The following CRISPLD2 variants were observed in gnomAD, a reference collection of about 807,000 sequenced individuals.
CRISPLD2 encodes the protein cysteine rich secretory protein LCCL domain containing 2.
In CRISPLD2, 47 loss-of-function variants were observed where a neutral mutation model predicts 71.1. That is an observed-to-expected ratio of 0.66 (90% CI 0.52 to 0.84). CRISPLD2 has a LOEUF of 0.84. CRISPLD2 is among the 40% of genes least tolerant of loss of function. CRISPLD2 has a pLI of 0.00. For synonymous variants in CRISPLD2, 317 were observed against 250.1 expected, an observed-to-expected ratio of 1.27 and a Z score of -2.52; for missense variants, 830 against 651.1, an observed-to-expected ratio of 1.27 and a Z score of -2.99.
intron 14 of CRISPLD2, among the ~76,000 whole-genome samples, chr16:84,891,090 C>T (rs897301644): frequency 6.6e-6 from 1 of 152,190 alleles, no homozygotes; most frequent in Non-Finnish European, 1.5e-5. Context: ...CTTTAAAGAT[C>T]TGCAAATACA....
In CRISPLD2 at chr16:84,845,842, G is replaced by T. The variant is rs893338158; in HGVS notation, c.297G>T (p.Trp99Cys). The T allele has an allele frequency of 6.2e-7, 1 of 1,613,964 alleles. No homozygotes were observed. Among genetic ancestry groups the T allele is most frequent in the African/African-American group, 1.3e-5 (1 of 74,926 alleles). The change falls in exon 3 of 15, where the codon TGG becomes TGT. Residue 99 changes from tryptophan (W) to cysteine (C), a missense_variant. By Grantham distance (215) the Trp-to-Cys change is radical. Coordinates refer to ENST00000262424, the MANE Select transcript of CRISPLD2 (RefSeq NM_031476.4). ...CAGCGTGGGCCAGTCAGTGCATCTG[G>T]GAGCACGGGCCCACCAGTCTGCTGG... ...SAAAWASQCI[W>C]EHGPTSLLVS...
intron 11 of CRISPLD2, among the ~76,000 whole-genome samples, chr16:84,875,730 T>C: frequency 7.4e-6 from 1 of 135,868 alleles, no homozygotes; most frequent in East Asian, 1.9e-4. Flanking sequence ...CTAATTTTTT[T>C]TTTTTTTTTT....
At chr16:84,854,942 A>G (rs1163391141) in intron 6 of CRISPLD2, 113 bp downstream of exon 6, 4 of 794,968 alleles carry the variant, frequency 5.0e-6, no homozygotes, top group Non-Finnish European at 8.8e-6. Context: ...TCCTGGCCCT[A>G]TTTAAGACGC....
intron 3 of CRISPLD2, among the ~76,000 whole-genome samples, chr16:84,849,007 A>C (rs1916997265): frequency 6.6e-6 from 1 of 151,472 alleles, no homozygotes; most frequent in Non-Finnish European, 1.5e-5. Flanking sequence ...AAAAAAAGAA[A>C]GGACTCATTA....
intron 1 of CRISPLD2, among the ~76,000 whole-genome samples, chr16:84,833,240 C>T (rs75879381): frequency 0.017 from 2,634 of 152,216 alleles, 74 homozygotes; most frequent in African/African-American, 0.061. Context: ...TGGGTCTCAC[C>T]ATTGACCCTG....
In CRISPLD2 at chr16:84,886,905, G is replaced by A. The variant is rs73251602; in HGVS notation, c.1306-2325G>A. On this transcript the variant is annotated intron_variant, in intron 13 of 14. Coordinates refer to ENST00000262424, the MANE Select transcript of CRISPLD2 (RefSeq NM_031476.4). ...CATTAAGCATATTCACGTTGTAATGGGTTCGACCTCCAGAACTCTTTTGTC... is the reference window on the plus strand; with the variant it reads ...CATTAAGCATATTCACGTTGTAATGAGTTCGACCTCCAGAACTCTTTTGTC... Among the ~76,000 whole-genome samples, 433 of 152,240 alleles carry A rather than the reference G, an allele frequency of 2.8e-3. 6 individuals are homozygous for A. The highest frequency in any genetic ancestry group is 9.8e-3 in the African/African-American group (409 of 41,526).
chr16:84,906,693 T>C lies in CRISPLD2; in HGVS notation c.*51T>C, dbSNP rs760553173. Reference sequence around the variant, plus strand: ...CGTCTTCAGGAGGGCTTCGGGGTTTTGCTTTTATTTTTATTTTGTCATTGC... The same window carrying C: ...CGTCTTCAGGAGGGCTTCGGGGTTTCGCTTTTATTTTTATTTTGTCATTGC... On this transcript the variant is annotated 3_prime_UTR_variant, in exon 15 of 15. Coordinates refer to ENST00000262424, the MANE Select transcript of CRISPLD2 (RefSeq NM_031476.4). 1 of 1,602,038 alleles carries C rather than the reference T, an allele frequency of 6.2e-7. No homozygotes were observed. The highest frequency in any genetic ancestry group is 8.6e-7 in the Non-Finnish European group (1 of 1,169,064).
intron 1 of CRISPLD2, among the ~76,000 whole-genome samples, chr16:84,823,546 C>G (rs532425048): frequency 6.6e-6 from 1 of 152,292 alleles, no homozygotes; most frequent in African/African-American, 2.4e-5. Flanking sequence ...CATTTGTGGG[C>G]AGTGTTGGCG....
chr16:84,826,972 T>G (rs1916366835), intron 1 of CRISPLD2, among the ~76,000 whole-genome samples: 1 of 152,118 alleles, frequency 6.6e-6, no homozygotes, highest in Non-Finnish European at 1.5e-5. Context: ...CAGAGCAACA[T>G]CAAATTTTTT....
At chr16:84,898,320 A>C (rs1225611963) in intron 14 of CRISPLD2, among the ~76,000 whole-genome samples, 1 of 151,996 alleles carries the variant, frequency 6.6e-6, no homozygotes, top group Non-Finnish European at 1.5e-5. Context: ...TAAGAATCAA[A>C]TCCGCCCCAC....
At chr16:84,855,808 G>C (rs143438239) in intron 6 of CRISPLD2, among the ~76,000 whole-genome samples, 1 of 152,082 alleles carries the variant, frequency 6.6e-6, no homozygotes, top group African/African-American at 2.4e-5. Flanking sequence ...ACCATCCTTC[G>C]TAAAACTGGA....
chr16:84,858,159 A>G (rs188683424), intron 6 of CRISPLD2, among the ~76,000 whole-genome samples: 3 of 152,304 alleles, frequency 2.0e-5, no homozygotes, highest in East Asian at 3.9e-4. Context: ...TCCAAACAGC[A>G]TCCCTATCTG....
intron 13 of CRISPLD2, among the ~76,000 whole-genome samples, chr16:84,881,237 C>T (rs924732753): frequency 4.6e-5 from 7 of 152,210 alleles, no homozygotes; most frequent in Non-Finnish European, 7.3e-5. Flanking sequence ...AACTGGTCCA[C>T]GCACTGTATT....
rs202232857 is a variant in CRISPLD2 at position 84,849,505 on chromosome 16, G to A, written c.480G>A (p.Thr160=). 50 of 1,614,034 alleles carry A rather than the reference G, an allele frequency of 3.1e-5. No homozygotes were observed. The highest frequency in any genetic ancestry group is 4.1e-5 in the Non-Finnish European group (48 of 1,179,960). The change falls in exon 4 of 15, where the codon ACG becomes ACA. Residue 160 remains threonine, a synonymous_variant. Transcript: ENST00000262424. ...AGAGGTGCTCGGGGCCCATGTGCAC[G>A]CACTACACACAGGTAACTCGGGGAC... ...CPERCSGPMC[T]HYTQIVWATT...
intron 8 of CRISPLD2, among the ~76,000 whole-genome samples, chr16:84,869,370 AG>A (rs1383497426): frequency 2.0e-5 from 3 of 152,192 alleles, no homozygotes; most frequent in Non-Finnish European, 4.4e-5. Context: ...TCATTGGGAG[AG>A]GGGACCTTGC....
chr16:84,893,916 G>A (rs118020250), intron 14 of CRISPLD2, among the ~76,000 whole-genome samples: 413 of 152,308 alleles, frequency 2.7e-3, no homozygotes, highest in Non-Finnish European at 4.6e-3. Context: ...GCGAGGGGGC[G>A]GTCACAGGCA....
At chr16:84,863,653 C>T (rs1214179818) in intron 6 of CRISPLD2, among the ~76,000 whole-genome samples, 1 of 152,166 alleles carries the variant, frequency 6.6e-6, no homozygotes, top group Non-Finnish European at 1.5e-5. Context: ...CCTCTGAAGG[C>T]AAATGGGAGG....
rs558697126 is a variant in CRISPLD2, at chr16:84,896,394, A to G, written c.1439+7031A>G. ...AAAAAGACTATATATAGAGAGAGAC[A>G]CACACACACAGACACATACACATAT... On this transcript the variant is annotated intron_variant, in intron 14 of 14. Transcript: ENST00000262424. 2.6e-5 allele frequency among the ~76,000 whole-genome samples: 4 copies of G among 151,684 alleles called. No homozygotes were observed. In the South Asian group the frequency reaches 8.3e-4, roughly 32 times the overall value.
chr16:84,893,466 G>A (rs540159964), intron 14 of CRISPLD2, among the ~76,000 whole-genome samples: 33 of 152,226 alleles, frequency 2.2e-4, no homozygotes, highest in African/African-American at 7.2e-4. Flanking sequence ...TCCTTCCAAC[G>A]CTCACTCCAT....
Sources: allele counts gnomAD v4.1 joint callset (sites outside exome capture counted in the v4.1 genomes callset), GRCh38; gene constraint gnomAD v4.1.1; transcripts MANE v1.5; gene names NCBI Gene and HGNC (gene_info 2026-07-23, HGNC 2026-07-21).